PEX5L: variants seen among roughly 807,000 people sequenced by gnomAD.
PEX5L encodes PEX5-related protein.
In PEX5L, 30 loss-of-function variants were observed where a neutral mutation model predicts 84.0. The ratio of observed to expected loss-of-function variants is 0.36; its 90% confidence interval spans 0.27 to 0.48. PEX5L has a LOEUF of 0.48. Among genes scored for constraint, PEX5L ranks in the 20% least tolerant of loss-of-function variants. The pLI, the probability that PEX5L is intolerant of heterozygous loss-of-function variation, is 0.99. For synonymous variants in PEX5L, 270 were observed against 283.1 expected, an observed-to-expected ratio of 0.95 and a Z score of 0.46; for missense variants, 533 against 754.6, an observed-to-expected ratio of 0.71 and a Z score of 3.44.
chr3:179,961,582 C>T (rs931896241), intron 2 of PEX5L, among the ~76,000 whole-genome samples: 3 of 151,744 alleles, frequency 2.0e-5, no homozygotes, highest in Non-Finnish European at 4.4e-5. Flanking sequence ...AGTCCAAAGT[C>T]GAAGAGAAAA....
At chr3:179,915,059 C>T (rs1223241990) in intron 2 of PEX5L, among the ~76,000 whole-genome samples, 1 of 152,148 alleles carries the variant, frequency 6.6e-6, no homozygotes. Flanking sequence ...AAGTTTTGCA[C>T]TCAGATTGAC....
intron 2 of PEX5L, among the ~76,000 whole-genome samples, chr3:179,926,276 G>A (rs949651174): frequency 6.6e-6 from 1 of 152,116 alleles, no homozygotes; most frequent in African/African-American, 2.4e-5. Context: ...TTAACAACCA[G>A]AGGAAAAGGC....
intron 2 of PEX5L, chr3:179,902,572 C>T: frequency 2.6e-6 from 1 of 380,626 alleles, no homozygotes; most frequent in Non-Finnish European, 5.2e-6. Flanking sequence ...CTTTTTTATT[C>T]TGTAGATCTT....
chr3:179,904,675 C>G (rs184325052), intron 2 of PEX5L, among the ~76,000 whole-genome samples: 1 of 152,144 alleles, frequency 6.6e-6, no homozygotes, highest in African/African-American at 2.4e-5. Flanking sequence ...TTAATTGTTA[C>G]AAAATAGTCC....
At chr3:180,035,071 C>T (rs1791778832) in intron 1 of PEX5L, among the ~76,000 whole-genome samples, 1 of 152,032 alleles carries the variant, frequency 6.6e-6, no homozygotes, top group South Asian at 2.1e-4. Flanking sequence ...TTGTTAATTT[C>T]CCCTTAGTGG....
Position 180,005,728 on chromosome 3 carries a change from CA to C in PEX5L, c.21+30850del, listed in dbSNP as rs10691437. Among the ~76,000 whole-genome samples, 122 of 144,582 alleles carry C rather than the reference CA, an allele frequency of 8.4e-4. 2 individuals are homozygous for C. The highest frequency in any genetic ancestry group is 5.8e-3 in the South Asian group (26 of 4,518). The allele number at this position is 144,582 out of a possible 152,430, so 94.9% of individuals were successfully genotyped here. On this transcript the variant is annotated intron_variant, in intron 1 of 14. Transcript: ENST00000467460. ...TGGGCGACAGAGCGAGACTCTGTCT[CA>C]AAAAAAAAAAAATTATTTTTGTAGA...
chr3:179,874,752 T>TTTTTTTTTTTTTG (rs1751748465), intron 6 of PEX5L, among the ~76,000 whole-genome samples: 1 of 112,006 alleles, frequency 8.9e-6, no homozygotes, highest in African/African-American at 3.1e-5. Flanking sequence ...TTTTTTTTTT[T>TTTTTTTTTTTTTG]TTTTTTTTTT....
At chr3:179,979,249 T>A (rs9829601) in intron 1 of PEX5L, among the ~76,000 whole-genome samples, 2,879 of 124,786 alleles carry the variant, frequency 0.023, 57 homozygotes, top group African/African-American at 0.063. Context: ...ATTCAAATTT[T>A]AAAAAAAAAA....
intron 2 of PEX5L, among the ~76,000 whole-genome samples, chr3:179,928,892 C>T (rs1772215292): frequency 6.6e-6 from 1 of 152,180 alleles, no homozygotes; most frequent in Non-Finnish European, 1.5e-5. Flanking sequence ...GAAGCCCCTC[C>T]ATGCCATTAC....
chr3:179,900,775 GC>G, intron 2 of PEX5L: 1 of 1,426,364 alleles, frequency 7.0e-7, no homozygotes, highest in Non-Finnish European at 9.5e-7. Context: ...GTGCCTGCTA[GC>G]AACTTTTTTC....
intron 5 of PEX5L, among the ~76,000 whole-genome samples, chr3:179,878,979 A>C (rs1753315177): frequency 6.6e-6 from 1 of 152,236 alleles, no homozygotes; most frequent in Admixed American, 6.5e-5. Context: ...ACAAATGAAT[A>C]AATTAATTCA....
intron 3 of PEX5L, among the ~76,000 whole-genome samples, chr3:179,890,143 A>G (rs187368410): frequency 6.6e-6 from 1 of 152,284 alleles, no homozygotes; most frequent in South Asian, 2.1e-4. Flanking sequence ...TGCTTAATGT[A>G]ATGAACTCAT....
intron 2 of PEX5L, among the ~76,000 whole-genome samples, chr3:179,916,106 A>G (rs1009874387): frequency 1.3e-5 from 2 of 152,190 alleles, no homozygotes; most frequent in Admixed American, 1.3e-4. Flanking sequence ...AAAATATGCC[A>G]GGTGTTGTGC....
chr3:179,808,036 ATGT>A (rs1458009999), intron 13 of PEX5L, among the ~76,000 whole-genome samples: 4 of 152,226 alleles, frequency 2.6e-5, no homozygotes, highest in East Asian at 3.8e-4. Flanking sequence ...CTACCATTTG[ATGT>A]TGTCATCAAC....
intron 4 of PEX5L, among the ~76,000 whole-genome samples, chr3:179,885,641 G>A (rs184366498): frequency 2.2e-4 from 32 of 146,422 alleles, no homozygotes; most frequent in Admixed American, 7.5e-4. Context: ...GCGAGACTCC[G>A]TCTCAGAAAA....
At chr3:180,021,490 A>T (rs1021895711) in intron 1 of PEX5L, among the ~76,000 whole-genome samples, 8 of 152,216 alleles carry the variant, frequency 5.3e-5, no homozygotes, top group Non-Finnish European at 8.8e-5. Flanking sequence ...AGCATTCTAG[A>T]CAATGATTCT....
At chr3:179,881,684 T>A (rs775189550) in intron 4 of PEX5L, 1 of 152,198 alleles carries the variant, frequency 6.6e-6, no homozygotes, top group Non-Finnish European at 1.5e-5. Context: ...CCTTTTTATT[T>A]GAGACAAGAA....
intron 2 of PEX5L, among the ~76,000 whole-genome samples, chr3:179,952,698 T>G (rs1000980250): frequency 1.3e-4 from 20 of 152,172 alleles, no homozygotes; most frequent in Non-Finnish European, 2.8e-4. Context: ...ATAGATTCAA[T>G]GCTATCCCCA....
intron 8 of PEX5L, among the ~76,000 whole-genome samples, chr3:179,828,750 C>T (rs1731495687): frequency 2.0e-5 from 3 of 152,014 alleles, no homozygotes. Flanking sequence ...TAAAGTTCCA[C>T]AAAAACAGAG....
Sources: allele counts gnomAD v4.1 joint callset (sites outside exome capture counted in the v4.1 genomes callset), GRCh38; gene constraint gnomAD v4.1.1; transcripts MANE v1.5; gene names NCBI Gene and HGNC (gene_info 2026-07-23, HGNC 2026-07-21).